Variants in ELOVL7 observed in about 807,000 individuals in gnomAD.
ELOVL7 encodes the protein very long chain fatty acid elongase 7.
ELOVL7 carries 27 observed loss-of-function variants against 35.7 expected under a neutral mutation model. The ratio of observed to expected loss-of-function variants is 0.76; its 90% confidence interval spans 0.56 to 1.04. ELOVL7 has a LOEUF of 1.04. ELOVL7 is among the 50% of genes least tolerant of loss of function. The pLI, the probability that ELOVL7 is intolerant of heterozygous loss-of-function variation, is 0.00. For missense variants in ELOVL7, 327 were observed against 340.8 expected (o/e 0.96, Z 0.32); for synonymous variants, 113 against 114.6 (o/e 0.99, Z 0.09).
At chr5:60,771,772 A>C (rs1742604219) in intron 4 of ELOVL7, 131 bp downstream of exon 4, 1 of 632,792 alleles carries the variant, frequency 1.6e-6, no homozygotes, top group Non-Finnish European at 2.7e-6. Flanking sequence ...TTTGGCAAAT[A>C]CCTGCTCTAG....
intron 1 of ELOVL7, among the ~76,000 whole-genome samples, chr5:60,818,170 T>C (rs1016373798): frequency 2.0e-5 from 3 of 151,470 alleles, no homozygotes; most frequent in African/African-American, 7.3e-5. Context: ...ATATAGAAAT[T>C]AGCTGGGTGT....
At chr5:60,784,176 C>A in intron 3 of ELOVL7, 1 of 1,484,702 alleles carries the variant, frequency 6.7e-7, no homozygotes, top group Non-Finnish European at 9.0e-7. Context: ...TCAAAGAGTA[C>A]ATCTTTAAGA....
intron 2 of ELOVL7, among the ~76,000 whole-genome samples, chr5:60,790,683 G>A (rs1436709119): frequency 2.6e-5 from 4 of 152,044 alleles, no homozygotes; most frequent in African/African-American, 9.7e-5. Flanking sequence ...GGTGTAATGT[G>A]GGGTTGTGAG....
At chr5:60,808,589 C>T (rs1394809036) in intron 1 of ELOVL7, among the ~76,000 whole-genome samples, 1 of 152,174 alleles carries the variant, frequency 6.6e-6, no homozygotes, top group African/African-American at 2.4e-5. Context: ...ATCCCATATA[C>T]TTAGCATATG....
intron 1 of ELOVL7, among the ~76,000 whole-genome samples, chr5:60,832,441 C>A (rs949862567): frequency 6.6e-6 from 1 of 152,164 alleles, no homozygotes; most frequent in African/African-American, 2.4e-5. Context: ...TCTTGGCTCA[C>A]AGCAACCTCT....
intron 1 of ELOVL7, among the ~76,000 whole-genome samples, chr5:60,802,046 T>TC (rs1285647001): frequency 8.2e-6 from 1 of 121,216 alleles, no homozygotes; most frequent in Non-Finnish European, 1.7e-5. Context: ...GAGCCAATTC[T>TC]CCCTAATAAA....
Position 60,844,253 on chromosome 5 carries a change from T to A in ELOVL7, c.-179A>T, listed in dbSNP as rs1395175854. The A allele has an allele frequency of 6.6e-6, 1 of 151,936 alleles. No individual in the cohort carries two copies. Among genetic ancestry groups the A allele is most frequent in the East Asian group, 1.9e-4 (1 of 5,146 alleles). 9.4% of individuals were successfully genotyped at this position (151,936 alleles called of 1,614,324 possible). The stretch of plus-strand genomic sequence containing the variant: ...CGGAGCTCCTCACAGCGGCCCCCGC[T>A]GTCCCGGCCGCCGACTGGGTTGGAA... On this transcript the variant is annotated 5_prime_UTR_variant, in exon 1 of 9. Transcript: ENST00000508821.
At chr5:60,811,905 A>G (rs1745256412) in intron 1 of ELOVL7, among the ~76,000 whole-genome samples, 1 of 152,206 alleles carries the variant, frequency 6.6e-6, no homozygotes, top group Admixed American at 6.5e-5. Flanking sequence ...AAGATAAATT[A>G]TAGAAAAAAA....
chr5:60,783,689 G>A lies in ELOVL7; in HGVS notation c.64+3645C>T, dbSNP rs549587845. ...AAATAATGAGAGTTCAGGTAGCAAG[G>A]CACACCTCTATTTGAAAAGCAATGA... On this transcript the variant is annotated intron_variant, in intron 3 of 8. Coordinates refer to ENST00000508821, the MANE Select transcript of ELOVL7 (RefSeq NM_024930.3). 5.9e-5 allele frequency among the ~76,000 whole-genome samples: 9 copies of A among 152,270 alleles called. No individual in the cohort carries two copies. The South Asian group carries it at 1.5e-3, about 25-fold the overall frequency.
intron 1 of ELOVL7, among the ~76,000 whole-genome samples, chr5:60,815,214 C>T (rs1483943303): frequency 1.3e-5 from 2 of 152,164 alleles, no homozygotes; most frequent in African/African-American, 4.8e-5. Flanking sequence ...CTCTAAATAA[C>T]CCACATGAAA....
At chr5:60,842,248 G>C (rs1393376603) in intron 1 of ELOVL7, among the ~76,000 whole-genome samples, 1 of 152,134 alleles carries the variant, frequency 6.6e-6, no homozygotes, top group Non-Finnish European at 1.5e-5. Context: ...AAATTGGATA[G>C]AAGATATTTA....
At chr5:60,771,388 C>T (rs1360506740) in intron 4 of ELOVL7, among the ~76,000 whole-genome samples, 1 of 152,182 alleles carries the variant, frequency 6.6e-6, no homozygotes, top group Admixed American at 6.5e-5. Flanking sequence ...GGCTCCCTCA[C>T]CTACTGCTTT....
intron 3 of ELOVL7, among the ~76,000 whole-genome samples, chr5:60,780,400 A>C (rs1381383935): frequency 6.6e-6 from 1 of 152,032 alleles, no homozygotes. Context: ...GATTACAGGC[A>C]TGAGTCACGG....
intron 1 of ELOVL7, among the ~76,000 whole-genome samples, chr5:60,835,722 A>AT (rs1254698554): frequency 1.3e-5 from 2 of 152,004 alleles, no homozygotes; most frequent in African/African-American, 2.4e-5. Flanking sequence ...CATCTTTCTG[A>AT]TTTTTTTAGT....
chr5:60,802,795 ATTTTTC>A (rs1426973948), intron 1 of ELOVL7: 1 of 152,186 alleles, frequency 6.6e-6, no homozygotes, highest in Admixed American at 6.5e-5. Context: ...CTAACTTTCT[ATTTTTC>A]AAATGGCAAT....
intron 2 of ELOVL7, among the ~76,000 whole-genome samples, 192 bp from the exon 3 acceptor site, chr5:60,787,623 C>T (rs899192168): frequency 6.6e-6 from 1 of 152,164 alleles, no homozygotes; most frequent in Non-Finnish European, 1.5e-5. Context: ...TCGGGTTTTC[C>T]ATCCTTCTAG....
intron 2 of ELOVL7, among the ~76,000 whole-genome samples, chr5:60,794,884 C>T (rs1744154159): frequency 6.6e-6 from 1 of 152,088 alleles, no homozygotes. Flanking sequence ...TGTGGTGGAA[C>T]TGGGGACTGC....
chr5:60,843,710 C>G (rs994429553), intron 1 of ELOVL7, among the ~76,000 whole-genome samples: 1 of 152,150 alleles, frequency 6.6e-6, no homozygotes, highest in African/African-American at 2.4e-5. Flanking sequence ...TCGAGCAGGT[C>G]CTTCTCCCTC....
intron 6 of ELOVL7, among the ~76,000 whole-genome samples, chr5:60,766,029 G>A (rs1000014093): frequency 2.0e-5 from 3 of 152,086 alleles, no homozygotes; most frequent in Admixed American, 1.3e-4. Context: ...GTTCAGAGGC[G>A]ATCCTCACTA....
Sources: gnomAD v4.1 joint callset for allele counts (sites outside exome capture counted in the v4.1 genomes callset) on GRCh38, gnomAD v4.1.1 for gene constraint, MANE v1.5 for transcripts, NCBI Gene and HGNC (gene_info 2026-07-23, HGNC 2026-07-21) for gene names.